ADCY9: variants seen among roughly 807,000 people sequenced by gnomAD.
The protein encoded by ADCY9 is adenylate cyclase 9, also known as adenylate cyclase type 9.
Under a neutral mutation model 101.5 loss-of-function variants are expected in ADCY9, and 50 were observed. That is an observed-to-expected ratio of 0.49 (90% CI 0.39 to 0.62). The LOEUF is 0.62. Ranked by LOEUF, ADCY9 falls within the 20% of genes least tolerant of loss-of-function variation. The pLI, the probability that ADCY9 is intolerant of heterozygous loss-of-function variation, is 0.00. For missense variants in ADCY9, 1,662 were observed against 1,800.4 expected, an observed-to-expected ratio of 0.92 and a Z score of 1.39; for synonymous variants, 905 against 769.3, an observed-to-expected ratio of 1.18 and a Z score of -2.92.
intron 2 of ADCY9, among the ~76,000 whole-genome samples, chr16:4,071,662 C>T (rs2056835472): frequency 6.6e-6 from 1 of 152,114 alleles, no homozygotes; most frequent in African/African-American, 2.4e-5. Flanking sequence ...TTATTATCTG[C>T]CTACAATTTG....
At position 4,097,553 on chromosome 16, in the gene ADCY9, A is replaced by ATATATATATT. The variant is rs1382458827; in HGVS notation, c.1693+16196_1693+16197insAATATATATA. Among the ~76,000 whole-genome samples the ATATATATATT allele has an allele frequency of 7.5e-4, 40 of 53,400 alleles. 2 individuals carry two copies. The East Asian group carries it at 9.1e-3, about 12-fold the overall frequency. 35.0% of individuals were successfully genotyped at this position (53,400 alleles called of 152,430 possible). A position where few individuals can be genotyped will look rare whatever the true frequency, so the allele number is the denominator to read the frequency against. ...CATATATATATATATATATATATAT[A>ATATATATATT]TTTTTTTTTTTTTTTTTTAAGACAG... On this transcript the variant is annotated intron_variant, in intron 2 of 10. Transcript: ENST00000294016.
At chr16:3,985,836 C>A (rs567358498) in intron 6 of ADCY9, among the ~76,000 whole-genome samples, 2 of 152,190 alleles carry the variant, frequency 1.3e-5, no homozygotes, top group East Asian at 1.9e-4. Flanking sequence ...CAGCCTCCCC[C>A]TCTGGGCCAC....
intron 2 of ADCY9, among the ~76,000 whole-genome samples, chr16:4,043,185 G>C (rs1012623779): frequency 6.6e-6 from 1 of 151,934 alleles, no homozygotes; most frequent in East Asian, 1.9e-4. Context: ...GAGCCCAGAT[G>C]GCGCCACTGC....
intron 2 of ADCY9, among the ~76,000 whole-genome samples, chr16:4,039,975 G>A (rs926055011): frequency 1.6e-4 from 25 of 152,120 alleles, no homozygotes; most frequent in African/African-American, 4.8e-4. Flanking sequence ...GGAGGTAGGG[G>A]CTGCGGTGAC....
intron 10 of ADCY9, among the ~76,000 whole-genome samples, chr16:3,972,729 C>T (rs1203091474): frequency 6.6e-6 from 1 of 152,056 alleles, no homozygotes; most frequent in Non-Finnish European, 1.5e-5. Context: ...ATTTCAGTGC[C>T]ATTTAAAATC....
At chr16:4,111,490 C>A (rs766548567) in intron 2 of ADCY9, among the ~76,000 whole-genome samples, 1 of 152,150 alleles carries the variant, frequency 6.6e-6, no homozygotes, top group Non-Finnish European at 1.5e-5. Context: ...TGTAGATAAG[C>A]TTAACTATGT....
At chr16:4,083,476 A>G (rs1312259684) in intron 2 of ADCY9, among the ~76,000 whole-genome samples, 1 of 152,214 alleles carries the variant, frequency 6.6e-6, no homozygotes, top group Non-Finnish European at 1.5e-5. Flanking sequence ...AAACAGAGTT[A>G]CCATATGACC....
chr16:4,105,561 T>A (rs1567150537), intron 2 of ADCY9, among the ~76,000 whole-genome samples: 1 of 149,950 alleles, frequency 6.7e-6, no homozygotes, highest in Non-Finnish European at 1.5e-5. Context: ...GCATCTGTAA[T>A]CCCAGCCACA....
chr16:4,009,685 G>T (rs2056390619), intron 2 of ADCY9, among the ~76,000 whole-genome samples: 1 of 152,212 alleles, frequency 6.6e-6, no homozygotes, highest in Non-Finnish European at 1.5e-5. Flanking sequence ...AAATGGAAAC[G>T]TGAACTGGAA....
intron 2 of ADCY9, among the ~76,000 whole-genome samples, chr16:4,080,419 T>C (rs1000765000): frequency 2.0e-5 from 3 of 151,982 alleles, no homozygotes; most frequent in Non-Finnish European, 4.4e-5. Flanking sequence ...AATTTTTGTA[T>C]ATATATATAC....
chr16:4,076,240 A>G (rs1408224885), intron 2 of ADCY9, among the ~76,000 whole-genome samples: 3 of 152,178 alleles, frequency 2.0e-5, no homozygotes, highest in Non-Finnish European at 2.9e-5. Flanking sequence ...TTAGTGCCCA[A>G]TTTCTCAGGT....
intron 2 of ADCY9, among the ~76,000 whole-genome samples, chr16:4,098,199 TCTA>T (rs1366504983): frequency 2.0e-5 from 3 of 152,000 alleles, no homozygotes; most frequent in African/African-American, 4.8e-5. Context: ...AAACATGTCA[TCTA>T]CGTTTTGGTT....
chr16:4,047,778 C>G (rs569526191), intron 2 of ADCY9, among the ~76,000 whole-genome samples: 1 of 152,322 alleles, frequency 6.6e-6, no homozygotes, highest in African/African-American at 2.4e-5. Flanking sequence ...AGGCTGATCT[C>G]GAACTCCTGA....
intron 2 of ADCY9, among the ~76,000 whole-genome samples, chr16:4,035,866 G>T (rs1382619479): frequency 6.6e-6 from 1 of 151,956 alleles, no homozygotes; most frequent in Non-Finnish European, 1.5e-5. Context: ...AGGCGTGGTG[G>T]CACATGATTG....
At chr16:4,064,687 C>G (rs2056790631) in intron 2 of ADCY9, among the ~76,000 whole-genome samples, 2 of 152,104 alleles carry the variant, frequency 1.3e-5, no homozygotes, top group African/African-American at 4.8e-5. Flanking sequence ...CCATGTTGCC[C>G]AGGCTGGTCT....
chr16:3,991,591 T>A (rs1382718089), intron 5 of ADCY9, among the ~76,000 whole-genome samples: 1 of 151,598 alleles, frequency 6.6e-6, no homozygotes, highest in Non-Finnish European at 1.5e-5. Context: ...TAAAAACCCA[T>A]CTCTACTAAA....
At chr16:4,007,245 C>A in intron 3 of ADCY9, 123 bp downstream of exon 3, 4 of 796,780 alleles carry the variant, frequency 5.0e-6, no homozygotes, top group Non-Finnish European at 7.3e-6. Context: ...ATCGTGAAAA[C>A]CAAATCGAAG....
rs191363404 is a variant in ADCY9, at chr16:3,993,251, C to T, written c.1989+155G>A. 8.1e-5 allele frequency: 109 copies of T among 1,348,164 alleles called. 1 individual carries two copies. The Admixed American group carries it at 2.1e-3, about 26-fold the overall frequency. The allele number at this position is 1,348,164 out of a possible 1,614,324, so 83.5% of individuals were successfully genotyped here. A position where few individuals can be genotyped will look rare whatever the true frequency, so the allele number is the denominator to read the frequency against. Reference sequence around the variant, plus strand: ...GCTGACCCTCCCTCGAGCTCCCTGCCGGTCTCTTCAACACCCGGAGGACCC... The same window carrying T: ...GCTGACCCTCCCTCGAGCTCCCTGCTGGTCTCTTCAACACCCGGAGGACCC... On this transcript the variant is annotated intron_variant, in intron 4 of 10. Coordinates refer to ENST00000294016, the MANE Select transcript of ADCY9 (RefSeq NM_001116.4).
intron 3 of ADCY9, among the ~76,000 whole-genome samples, chr16:3,993,856 CATT>C (rs773001031): frequency 1.7e-4 from 26 of 152,146 alleles, no homozygotes; most frequent in Non-Finnish European, 3.1e-4. Context: ...ACCTCGAAAA[CATT>C]ATGCTCGGGG....
Sources: allele counts gnomAD v4.1 joint callset (sites outside exome capture counted in the v4.1 genomes callset), GRCh38; gene constraint gnomAD v4.1.1; transcripts MANE v1.5; gene names NCBI Gene and HGNC (gene_info 2026-07-23, HGNC 2026-07-21).